The following SHROOM3 variants were observed in gnomAD, a reference collection of about 807,000 sequenced individuals.
SHROOM3 encodes shroom family member 3.
In SHROOM3, 47 loss-of-function variants were observed where a neutral mutation model predicts 138.6. The observed-to-expected ratio is 0.34, with a 90% CI of 0.27 to 0.43. The LOEUF (loss-of-function observed/expected upper bound fraction) is 0.43. Among genes scored for constraint, SHROOM3 ranks in the 20% least tolerant of loss-of-function variants. The pLI, the probability that SHROOM3 is intolerant of heterozygous loss-of-function variation, is 1.00. For missense variants in SHROOM3, 2,491 were observed against 2,596.5 expected (o/e 0.96, Z 0.88); for synonymous variants, 1,062 against 1,063.3 (o/e 1.00, Z 0.02).
At chr4:76,665,607 G>A (rs528135320) in intron 2 of SHROOM3, among the ~76,000 whole-genome samples, 1 of 152,270 alleles carries the variant, frequency 6.6e-6, no homozygotes, top group Non-Finnish European at 1.5e-5. Context: ...TGATGTTTGT[G>A]GCTGTTTAAG....
chr4:76,596,110 A>G (rs1299570006), intron 2 of SHROOM3, among the ~76,000 whole-genome samples: 1 of 152,192 alleles, frequency 6.6e-6, no homozygotes, highest in Non-Finnish European at 1.5e-5. Flanking sequence ...ATTTGGGTCA[A>G]TGATGGACCC....
intron 1 of SHROOM3, among the ~76,000 whole-genome samples, chr4:76,508,949 C>T (rs555845469): frequency 4.8e-4 from 73 of 152,214 alleles, no homozygotes; most frequent in African/African-American, 1.7e-3. Flanking sequence ...TGGTGGAAGG[C>T]GGAAGGACAA....
At chr4:76,706,917 C>T (rs1287518347) in intron 2 of SHROOM3, among the ~76,000 whole-genome samples, 2 of 152,150 alleles carry the variant, frequency 1.3e-5, no homozygotes, top group African/African-American at 4.8e-5. Flanking sequence ...GGGTAGCCAG[C>T]AGAGGAAATG....
Position 76,781,128 on chromosome 4 carries a change from TTTTA to T in SHROOM3, c.*1959_*1962del, listed in dbSNP as rs1257036996. ...TACATATTCAGTCTTTCTCAAAAAT[TTTTA>T]TTTATTTTCTTGAGAAAGGGTCTTA... On this transcript the variant is annotated 3_prime_UTR_variant, in exon 11 of 11. Transcript: ENST00000296043. 6.6e-6 allele frequency: 1 copy of T among 152,068 alleles called. No individual in the cohort carries two copies. The highest frequency in any genetic ancestry group is 2.4e-5 in the African/African-American group (1 of 41,418). The allele number at this position is 152,068 out of a possible 1,614,324, so 9.4% of individuals were successfully genotyped here. A position where few individuals can be genotyped will look rare whatever the true frequency, so the allele number is the denominator to read the frequency against.
chr4:76,484,091 A>G (rs1003180550), intron 1 of SHROOM3, among the ~76,000 whole-genome samples: 4 of 152,190 alleles, frequency 2.6e-5, no homozygotes, highest in Admixed American at 6.5e-5. Context: ...ATGTACATCT[A>G]TATAACAAAC....
At chr4:76,689,826 G>T (rs577227496) in intron 2 of SHROOM3, 26 of 872,600 alleles carry the variant, frequency 3.0e-5, no homozygotes, top group African/African-American at 5.4e-5. Context: ...TGGCTCCCAG[G>T]GGCTTTCACG....
chr4:76,524,530 C>T (rs1044512148), intron 1 of SHROOM3, among the ~76,000 whole-genome samples: 1 of 152,146 alleles, frequency 6.6e-6, no homozygotes, highest in Non-Finnish European at 1.5e-5. Flanking sequence ...CGAATGTTAT[C>T]GACTCAGGGA....
chr4:76,592,699 G>A (rs1473581822), intron 2 of SHROOM3, among the ~76,000 whole-genome samples: 1 of 152,186 alleles, frequency 6.6e-6, no homozygotes, highest in Admixed American at 6.5e-5. Context: ...CTAGGGACAG[G>A]TGTATTTTGA....
At position 76,779,387 on chromosome 4, in the gene SHROOM3, A is replaced by C. The variant is rs572195503; in HGVS notation, c.*210A>C. ...AGAGCTCGAATGCTGCTGGACACGT[A>C]CCCCTTTCTATTATTACTTTGTAGT... On this transcript the variant is annotated 3_prime_UTR_variant, in exon 11 of 11. Coordinates refer to ENST00000296043, the MANE Select transcript of SHROOM3 (RefSeq NM_020859.4). 421 of 570,830 alleles carry C rather than the reference A, an allele frequency of 7.4e-4. No homozygotes were observed. The highest frequency in any genetic ancestry group is 9.1e-4 in the Non-Finnish European group (301 of 330,448). The allele number at this position is 570,830 out of a possible 1,614,324, so 35.4% of individuals were successfully genotyped here. A position where few individuals can be genotyped will look rare whatever the true frequency, so the allele number is the denominator to read the frequency against.
chr4:76,775,035 G>T (rs1328512616), intron 10 of SHROOM3, among the ~76,000 whole-genome samples: 1 of 151,994 alleles, frequency 6.6e-6, no homozygotes, highest in Non-Finnish European at 1.5e-5. Flanking sequence ...GGCGATTTCT[G>T]TGATTTTGGT....
chr4:76,578,168 A>C (rs572931823), intron 2 of SHROOM3, among the ~76,000 whole-genome samples: 1 of 152,232 alleles, frequency 6.6e-6, no homozygotes, highest in Non-Finnish European at 1.5e-5. Context: ...TATGGAGTGC[A>C]ATGGAAAAGT....
intron 9 of SHROOM3, among the ~76,000 whole-genome samples, chr4:76,770,316 C>A (rs1722307982): frequency 8.9e-6 from 1 of 112,368 alleles, no homozygotes; most frequent in Non-Finnish European, 1.7e-5. Flanking sequence ...AAGAGCCAAA[C>A]TCTGTCTCAA....
intron 2 of SHROOM3, among the ~76,000 whole-genome samples, chr4:76,627,008 C>T (rs1305112272): frequency 3.3e-5 from 5 of 152,302 alleles, no homozygotes; most frequent in African/African-American, 9.6e-5. Flanking sequence ...TGTTGGGAGT[C>T]TTCCTATGTC....
intron 1 of SHROOM3, among the ~76,000 whole-genome samples, chr4:76,472,988 C>T (rs754200898): frequency 6.6e-6 from 1 of 152,146 alleles, no homozygotes; most frequent in African/African-American, 2.4e-5. Flanking sequence ...CCACCACGGC[C>T]GGCCAGGAAT....
At chr4:76,693,624 A>G (rs1367282061) in intron 2 of SHROOM3, among the ~76,000 whole-genome samples, 1 of 151,856 alleles carries the variant, frequency 6.6e-6, no homozygotes, top group Admixed American at 6.6e-5. Flanking sequence ...TGACCTCGTG[A>G]TCTGCCTGCC....
intron 6 of SHROOM3, among the ~76,000 whole-genome samples, chr4:76,750,539 G>A (rs551108585): frequency 1.3e-5 from 2 of 152,226 alleles, no homozygotes; most frequent in East Asian, 1.9e-4. Flanking sequence ...GGAAGGTGAG[G>A]ATTGAAAAAA....
chr4:76,537,521 T>G (rs1168864292), intron 1 of SHROOM3, among the ~76,000 whole-genome samples: 3 of 152,128 alleles, frequency 2.0e-5, no homozygotes, highest in African/African-American at 7.2e-5. Flanking sequence ...GAGGGACACA[T>G]AGGCAGAACA....
intron 1 of SHROOM3, among the ~76,000 whole-genome samples, chr4:76,547,699 G>A (rs1414909988): frequency 6.6e-6 from 1 of 152,136 alleles, no homozygotes; most frequent in Admixed American, 6.6e-5. Context: ...GGAGGCTGAG[G>A]TGGGTGGATC....
chr4:76,530,355 A>G (rs1426061144), intron 1 of SHROOM3, among the ~76,000 whole-genome samples: 1 of 152,150 alleles, frequency 6.6e-6, no homozygotes, highest in Non-Finnish European at 1.5e-5. Context: ...TATCTGCTTC[A>G]TGAAGTGGTA....
Sources: gnomAD v4.1 joint callset for allele counts (sites outside exome capture counted in the v4.1 genomes callset) on GRCh38, gnomAD v4.1.1 for gene constraint, MANE v1.5 for transcripts, NCBI Gene and HGNC (gene_info 2026-07-23, HGNC 2026-07-21) for gene names.